IKZF2: variants seen among roughly 807,000 people sequenced by gnomAD.
IKZF2 encodes the protein zinc finger protein Helios.
IKZF2 carries 15 observed loss-of-function variants against 49.2 expected under a neutral mutation model. That is an observed-to-expected ratio of 0.30 (90% CI 0.20 to 0.47). IKZF2 has a LOEUF of 0.47. Ranked by LOEUF, IKZF2 falls within the 20% of genes least tolerant of loss-of-function variation. The pLI, the probability that IKZF2 is intolerant of heterozygous loss-of-function variation, is 1.00. For synonymous variants in IKZF2, 227 were observed against 221.4 expected, an observed-to-expected ratio of 1.03 and a Z score of -0.23; for missense variants, 567 against 664.6, an observed-to-expected ratio of 0.85 and a Z score of 1.61.
At chr2:213,030,004 T>C (rs1361589639) in intron 6 of IKZF2, among the ~76,000 whole-genome samples, 2 of 152,284 alleles carry the variant, frequency 1.3e-5, no homozygotes, top group African/African-American at 4.8e-5. Context: ...ATCTATTTCA[T>C]GCCTTCACCT....
At chr2:213,142,528 G>A (rs923706338) in intron 4 of IKZF2, among the ~76,000 whole-genome samples, 1 of 151,986 alleles carries the variant, frequency 6.6e-6, no homozygotes, top group East Asian at 1.9e-4. Context: ...TGTGCCAGAA[G>A]TTGTGCTGAG....
At chr2:213,135,098 A>G (rs555965251) in intron 4 of IKZF2, among the ~76,000 whole-genome samples, 27 of 152,316 alleles carry the variant, frequency 1.8e-4, no homozygotes, top group Middle Eastern at 6.8e-3. Context: ...TAATAGTTTT[A>G]ATGTAAAAAA....
At position 213,015,485 on chromosome 2, in the gene IKZF2, A is replaced by G. The variant is rs573668715; in HGVS notation, c.713-1551T>C. ...ATATTCTCTTTTAGTAACAACTAAA[A>G]AAGTGACACAAAAGTAAAAGAGTCA... On this transcript the variant is annotated intron_variant, in intron 7 of 8. Coordinates refer to ENST00000434687, the MANE Select transcript of IKZF2 (RefSeq NM_001387220.1). Among the ~76,000 whole-genome samples, 155 of 152,240 alleles carry G rather than the reference A, an allele frequency of 1.0e-3. 1 individual carries two copies. Among genetic ancestry groups the G allele is most frequent in the African/African-American group, 3.5e-3 (145 of 41,566 alleles).
chr2:213,048,908 T>C (rs561842014), intron 6 of IKZF2, among the ~76,000 whole-genome samples: 11 of 152,180 alleles, frequency 7.2e-5, no homozygotes, highest in Middle Eastern at 6.8e-3. Flanking sequence ...AAATTTAGTA[T>C]GTCATTATGA....
intron 4 of IKZF2, among the ~76,000 whole-genome samples, chr2:213,124,252 G>GCGCGCGCGCA (rs1270409984): frequency 7.3e-6 from 1 of 136,236 alleles, no homozygotes; most frequent in Non-Finnish European, 1.6e-5. Flanking sequence ...GCGCGCGCGC[G>GCGCGCGCGCA]CACACACACA....
At chr2:213,011,440 C>T (rs1364023408) in intron 8 of IKZF2, among the ~76,000 whole-genome samples, 1 of 150,400 alleles carries the variant, frequency 6.6e-6, no homozygotes, top group Non-Finnish European at 1.5e-5. Context: ...TTCCTGTGCA[C>T]AAGAGGGGGA....
intron 8 of IKZF2, among the ~76,000 whole-genome samples, chr2:213,010,496 T>G (rs1437706004): frequency 2.6e-5 from 4 of 152,098 alleles, no homozygotes; most frequent in African/African-American, 9.7e-5. Flanking sequence ...CAGAATTCCT[T>G]GCCCAAATGG....
At chr2:213,149,339 A>ATT (rs1282684990) in intron 2 of IKZF2, among the ~76,000 whole-genome samples, 2 of 151,094 alleles carry the variant, frequency 1.3e-5, no homozygotes, top group African/African-American at 4.9e-5. Flanking sequence ...GTTGTGCTAG[A>ATT]GAGAATCATT....
chr2:213,091,480 G>C (rs934965171), intron 4 of IKZF2, among the ~76,000 whole-genome samples: 4 of 152,150 alleles, frequency 2.6e-5, no homozygotes, highest in African/African-American at 9.7e-5. Context: ...GTGTGCCATA[G>C]GGCTATTTTC....
chr2:213,022,272 G>A (rs987926135), intron 6 of IKZF2, 142 bp from the exon 7 acceptor site: 8 of 743,148 alleles, frequency 1.1e-5, no homozygotes, highest in African/African-American at 3.6e-5. Context: ...TTCCAATTTT[G>A]GTAAGAAAAG....
At chr2:213,117,527 G>A (rs981044960) in intron 4 of IKZF2, among the ~76,000 whole-genome samples, 1 of 152,192 alleles carries the variant, frequency 6.6e-6, no homozygotes, top group Admixed American at 6.5e-5. Flanking sequence ...CTAGGCACAA[G>A]GAGCTGCTAA....
At chr2:213,058,970 T>G (rs1353543358) in intron 4 of IKZF2, among the ~76,000 whole-genome samples, 1 of 151,888 alleles carries the variant, frequency 6.6e-6, no homozygotes, top group Admixed American at 6.6e-5. Context: ...CTAGCATCAT[T>G]TGTTCATCCA....
At chr2:213,147,839 G>T (rs1559335130) in intron 3 of IKZF2, 27 bp from the exon 4 acceptor site, 1 of 1,545,866 alleles carries the variant, frequency 6.5e-7, no homozygotes. Context: ...TAATCTTTTG[G>T]TTTCTATTCA....
intron 4 of IKZF2, chr2:213,081,221 G>A (rs1244163610): frequency 1.9e-5 from 3 of 154,408 alleles, no homozygotes; most frequent in Non-Finnish European, 4.4e-5. Flanking sequence ...ACTGGAGCAT[G>A]GCCCAAAGGT....
At position 213,061,161 on chromosome 2, in the gene IKZF2, C is replaced by T. The variant is rs1701642099; in HGVS notation, c.140-4062G>A. The stretch of plus-strand genomic sequence containing the variant: ...ACTCTTTTTTAAAGTGAATTTCAAG[C>T]CAAACAATTTTCAATTATAAAAGTT... On this transcript the variant is annotated intron_variant, in intron 4 of 8. Transcript: ENST00000434687. 2.0e-5 allele frequency among the ~76,000 whole-genome samples: 3 copies of T among 151,462 alleles called. No homozygotes were observed. In the South Asian group the frequency reaches 6.2e-4, roughly 31 times the overall value.
chr2:213,129,197 G>A (rs995051519), intron 4 of IKZF2, among the ~76,000 whole-genome samples: 4 of 151,566 alleles, frequency 2.6e-5, no homozygotes, highest in African/African-American at 9.7e-5. Flanking sequence ...CAAGCCAAAT[G>A]TTCCTCAACT....
chr2:213,107,437 C>T (rs1034039613), intron 4 of IKZF2, among the ~76,000 whole-genome samples: 4 of 152,174 alleles, frequency 2.6e-5, no homozygotes, highest in African/African-American at 7.2e-5. Context: ...TGTACATACA[C>T]GCACTTTCCA....
chr2:213,134,422 A>AG (rs1360344221), intron 4 of IKZF2, among the ~76,000 whole-genome samples: 1 of 152,252 alleles, frequency 6.6e-6, no homozygotes, highest in Non-Finnish European at 1.5e-5. Flanking sequence ...GAATACGACC[A>AG]GTTAGGATAT....
intron 4 of IKZF2, among the ~76,000 whole-genome samples, chr2:213,119,672 A>C (rs1179239419): frequency 6.6e-6 from 1 of 152,204 alleles, no homozygotes; most frequent in East Asian, 1.9e-4. Context: ...CTGAGTTATA[A>C]GAATATGCCT....
Sources: allele counts gnomAD v4.1 joint callset (sites outside exome capture counted in the v4.1 genomes callset), GRCh38; gene constraint gnomAD v4.1.1; transcripts MANE v1.5; gene names NCBI Gene and HGNC (gene_info 2026-07-23, HGNC 2026-07-21).